GPR158: variants seen among roughly 807,000 people sequenced by gnomAD.
The protein encoded by GPR158 is G protein-coupled receptor 158.
A neutral mutation model predicts 78.2 loss-of-function variants in GPR158; 30 were observed. The observed-to-expected ratio is 0.38, with a 90% CI of 0.29 to 0.52. The LOEUF (loss-of-function observed/expected upper bound fraction) is 0.52. Ranked by LOEUF, GPR158 falls within the 20% of genes least tolerant of loss-of-function variation. GPR158 has a pLI of 0.83. For synonymous variants in GPR158, 581 were observed against 591.1 expected (o/e 0.98, Z 0.25); for missense variants, 1,463 against 1,523.5 (o/e 0.96, Z 0.66).
chr10:25,200,879 T>C (rs867869967), intron 1 of GPR158, among the ~76,000 whole-genome samples: 3 of 150,374 alleles, frequency 2.0e-5, no homozygotes, highest in African/African-American at 4.9e-5. Context: ...TTTTTTTTTT[T>C]TTTTTTTTCA....
chr10:25,230,334 T>C (rs74989951), intron 2 of GPR158, among the ~76,000 whole-genome samples: 8,553 of 152,226 alleles, frequency 0.056, 267 homozygotes, highest in African/African-American at 0.085. Context: ...TGCAGAACCA[T>C]AGCAAAAGCC....
intron 2 of GPR158, among the ~76,000 whole-genome samples, chr10:25,380,522 G>T (rs1199206488): frequency 8.6e-5 from 13 of 151,708 alleles, no homozygotes; most frequent in Admixed American, 8.5e-4. Context: ...TACATTTTAT[G>T]TGTTTTTTCA....
chr10:25,412,577 A>C (rs1834607177), intron 4 of GPR158, 104 bp downstream of exon 4: 1 of 737,234 alleles, frequency 1.4e-6, no homozygotes, highest in African/African-American at 1.7e-5. Flanking sequence ...CCTAAGCAGC[A>C]GTCTTTCTAC....
chr10:25,599,517 C>A lies in GPR158; in HGVS notation c.*243C>A, dbSNP rs1837463914. 2.0e-6 allele frequency: 1 copy of A among 488,268 alleles called. No homozygotes were observed. The highest frequency in any genetic ancestry group is 3.7e-6 in the Non-Finnish European group (1 of 273,234). The allele number at this position is 488,268 out of a possible 1,614,324, so 30.2% of individuals were successfully genotyped here. On this transcript the variant is annotated 3_prime_UTR_variant, in exon 11 of 11. Transcript: ENST00000376351. ...TAACACTAGGAAAATCTTTCCATTT[C>A]AGCATGTTTAAGGAAAATAGCCCAC...
intron 3 of GPR158, 149 bp from the exon 4 acceptor site, chr10:25,412,101 G>C: frequency 1.6e-6 from 1 of 623,118 alleles, no homozygotes. Flanking sequence ...TAAAGGAAAA[G>C]TAACTCCTTC....
At chr10:25,315,063 GTGAA>G (rs569529507) in intron 2 of GPR158, among the ~76,000 whole-genome samples, 56 of 151,286 alleles carry the variant, frequency 3.7e-4, no homozygotes, top group South Asian at 2.3e-3. Flanking sequence ...ATAAAATTTT[GTGAA>G]TGTTTCATGT....
intron 6 of GPR158, among the ~76,000 whole-genome samples, chr10:25,561,193 GT>G (rs1469807234): frequency 6.6e-6 from 1 of 151,930 alleles, no homozygotes; most frequent in Non-Finnish European, 1.5e-5. Context: ...TAATAAATTT[GT>G]TTTTATAGTC....
intron 2 of GPR158, among the ~76,000 whole-genome samples, chr10:25,278,017 A>G (rs1225685283): frequency 6.6e-6 from 1 of 152,178 alleles, no homozygotes; most frequent in Non-Finnish European, 1.5e-5. Context: ...TTCCTTAAAA[A>G]AACCACCTGC....
intron 1 of GPR158, among the ~76,000 whole-genome samples, chr10:25,194,670 A>G (rs571354005): frequency 1.3e-5 from 2 of 152,324 alleles, no homozygotes; most frequent in East Asian, 1.9e-4. Context: ...AGTAGTCACA[A>G]TCGAAAACTG....
intron 1 of GPR158, among the ~76,000 whole-genome samples, chr10:25,192,887 A>G (rs1445603983): frequency 6.6e-6 from 1 of 152,198 alleles, no homozygotes; most frequent in African/African-American, 2.4e-5. Flanking sequence ...AAGATATTCA[A>G]CACTTTAGTA....
rs771903080 is a variant in GPR158 at position 25,176,317 on chromosome 10, A to G, written c.897A>G (p.Glu299=). Residue 299 remains glutamate, a synonymous_variant, in exon 1 of 11, where the codon GAA becomes GAG. Coordinates refer to ENST00000376351, the MANE Select transcript of GPR158 (RefSeq NM_020752.3). The surrounding 1 kb of genome is among the most constrained non-coding windows in gnomAD (Gnocchi z 6.3). Reference sequence around the variant, plus strand: ...GGTTGCAGCCTAACCTGGTCCCGGAATTCAGGTAGGGAGGGCCGGGGGGCA... The same window carrying G: ...GGTTGCAGCCTAACCTGGTCCCGGAGTTCAGGTAGGGAGGGCCGGGGGGCA... ...IYGLQPNLVP[E]FRGVMKVDIN... is the part of the protein sequence containing the mutation. 1 of 1,574,928 alleles carries G rather than the reference A, an allele frequency of 6.3e-7. No individual in the cohort carries two copies. Among genetic ancestry groups the G allele is most frequent in the Non-Finnish European group, 8.6e-7 (1 of 1,160,600 alleles).
chr10:25,238,547 G>A (rs903864855), intron 2 of GPR158, among the ~76,000 whole-genome samples: 2 of 152,116 alleles, frequency 1.3e-5, no homozygotes, highest in South Asian at 4.2e-4. Context: ...GGTTTATTGA[G>A]CATTTTTAAC....
At position 25,599,087 on chromosome 10, in the gene GPR158, C is replaced by T. The variant is rs745823844; in HGVS notation, c.3461C>T (p.Ser1154Phe). ...TSSSEENVRG[S>F]YNSSNNFQQP... ...TCTTCTGAGGAGAATGTGCGTGGCT[C>T]CTATAACTCAAGTAATAACTTCCAG... The change falls in exon 11 of 11, where the codon TCC (serine) becomes TTC (phenylalanine). Residue 1154 changes from serine to phenylalanine, a missense_variant. Physicochemically the swap from Ser to Phe is radical, Grantham distance 155. Transcript: ENST00000376351. The T allele has an allele frequency of 3.1e-6, 5 of 1,613,234 alleles. No homozygotes were observed. The highest frequency in any genetic ancestry group is 4.2e-6 in the Non-Finnish European group (5 of 1,179,992).
At chr10:25,479,606 G>C (rs747605203) in intron 5 of GPR158, among the ~76,000 whole-genome samples, 1 of 151,962 alleles carries the variant, frequency 6.6e-6, no homozygotes, top group South Asian at 2.1e-4. Flanking sequence ...ATAGAGATGA[G>C]GTTTCACCAT....
At chr10:25,241,283 T>TCCTTTCTTTCTTTC (rs1444926908) in intron 2 of GPR158, among the ~76,000 whole-genome samples, 1 of 99,430 alleles carries the variant, frequency 1.0e-5, no homozygotes, top group Admixed American at 1.0e-4. Flanking sequence ...TTTCTTTCTT[T>TCCTTTCTTTCTTTC]CTTTTCTTTT....
intron 2 of GPR158, among the ~76,000 whole-genome samples, chr10:25,228,204 G>T (rs1269231786): frequency 6.6e-6 from 1 of 152,186 alleles, no homozygotes; most frequent in Non-Finnish European, 1.5e-5. Flanking sequence ...GAGCCCAGAA[G>T]TTCGAGGCTG....
In GPR158 at chr10:25,478,015, A is replaced by C. The variant is rs143465901; in HGVS notation, c.1404+11296A>C. Reference sequence around the variant, plus strand: ...CCACTTGGCTTGTCTCCTCTTCTGTACTCAACCCATCAGAGAGAAGTCTGA... The same window carrying C: ...CCACTTGGCTTGTCTCCTCTTCTGTCCTCAACCCATCAGAGAGAAGTCTGA... On this transcript the variant is annotated intron_variant, in intron 5 of 10. Coordinates refer to ENST00000376351, the MANE Select transcript of GPR158 (RefSeq NM_020752.3). Among the ~76,000 whole-genome samples, 3 of 152,260 alleles carry C rather than the reference A, an allele frequency of 2.0e-5. No individual in the cohort carries two copies. In the South Asian group the frequency reaches 6.2e-4, roughly 32 times the overall value.
Position 25,476,382 on chromosome 10 carries a change from G to GT in GPR158, c.1404+9663_1404+9664insT, listed in dbSNP as rs1264398882. 5.3e-5 allele frequency among the ~76,000 whole-genome samples: 3 copies of GT among 56,258 alleles called. No individual in the cohort carries two copies. The East Asian group carries it at 1.7e-3, about 31-fold the overall frequency. The allele number at this position is 56,258 out of a possible 152,430, so 36.9% of individuals were successfully genotyped here. A position where few individuals can be genotyped will look rare whatever the true frequency, so the allele number is the denominator to read the frequency against. ...CTAAACCGTCAGTTTCATTTAATAAGGGTTTTTTTTTTTTTTCTTTCCCCT... is the reference window on the plus strand; with the variant it reads ...CTAAACCGTCAGTTTCATTTAATAAGTGGTTTTTTTTTTTTTTCTTTCCCCT... On this transcript the variant is annotated intron_variant, in intron 5 of 10. Coordinates refer to ENST00000376351, the MANE Select transcript of GPR158 (RefSeq NM_020752.3).
intron 4 of GPR158, among the ~76,000 whole-genome samples, chr10:25,419,429 G>C (rs1333285848): frequency 6.6e-6 from 1 of 151,938 alleles, no homozygotes; most frequent in Non-Finnish European, 1.5e-5. Flanking sequence ...CTACTTTTTG[G>C]CTATTGTGAA....
Sources: gnomAD v4.1 joint callset for allele counts (sites outside exome capture counted in the v4.1 genomes callset) on GRCh38, gnomAD v4.1.1 for gene constraint, Gnocchi (gnomAD v3.1) non-coding constraint, MANE v1.5 for transcripts, NCBI Gene and HGNC (gene_info 2026-07-23, HGNC 2026-07-21) for gene names.